FBXL19: variants seen among roughly 807,000 people sequenced by gnomAD.
FBXL19 encodes F-box and leucine rich repeat protein 19, also known as F-box/LRR-repeat protein 19.
Under a neutral mutation model 71.2 loss-of-function variants are expected in FBXL19, and 16 were observed. The ratio of observed to expected loss-of-function variants is 0.22; its 90% CI spans 0.15 to 0.34. FBXL19 has a LOEUF of 0.34. Ranked by LOEUF, FBXL19 falls within the 10% of genes least tolerant of loss-of-function variation. The probability of loss-of-function intolerance (pLI) is 1.00; values close to 1 mark genes in which losing one functional copy is unlikely to be tolerated. For missense variants in FBXL19, 658 were observed against 968.2 expected (o/e 0.68, Z 4.25); for synonymous variants, 447 against 409.4 (o/e 1.09, Z -1.11).
At chr16:30,935,170 T>A (rs879227382) in intron 7 of FBXL19, among the ~76,000 whole-genome samples, 1 of 152,148 alleles carries the variant, frequency 6.6e-6, no homozygotes, top group Non-Finnish European at 1.5e-5. Context: ...CAAAGCCAGA[T>A]TGAATGGAGT....
chr16:30,934,099 T>C (rs1407258666), intron 7 of FBXL19, among the ~76,000 whole-genome samples: 1 of 151,046 alleles, frequency 6.6e-6, no homozygotes, highest in African/African-American at 2.4e-5. Flanking sequence ...GCATGATGGC[T>C]CATACTTGTA....
In FBXL19 at chr16:30,942,248, G is replaced by A. The variant is rs1376334565; in HGVS notation, c.1434G>A (p.Lys478=). ...TCAGCTGGACAGGTGTCTCCAAGAA[G>A]CAGCTCATGTGGCTTCTGAACCGAC... ...LDLSWTGVSK[K]QLMWLLNRLQ... is the part of the protein sequence containing the mutation. The change falls in exon 8 of 11, where the codon AAG becomes AAA. Residue 478 remains lysine, a synonymous_variant. Coordinates refer to ENST00000338343, the MANE Select transcript of FBXL19 (RefSeq NM_001382779.1). This position sits in a 1 kb window ranked among gnomAD's most constrained non-coding sequence, Gnocchi z 5.7. 1 of 1,597,076 alleles carries A rather than the reference G, an allele frequency of 6.3e-7. No individual in the cohort carries two copies. The highest frequency in any genetic ancestry group is 1.8e-5 in the Admixed American group (1 of 57,100).
chr16:30,943,621 G>C (rs1260798180), intron 9 of FBXL19, among the ~76,000 whole-genome samples: 3 of 152,002 alleles, frequency 2.0e-5, no homozygotes, highest in African/African-American at 4.8e-5. Context: ...TGATCCGCCT[G>C]CCTCGGCCTC....
chr16:30,928,354 CG>C, intron 5 of FBXL19, 112 bp from the exon 6 acceptor site: 1 of 1,159,142 alleles, frequency 8.6e-7, no homozygotes, highest in Non-Finnish European at 1.2e-6. Flanking sequence ...ATCCCTGGGA[CG>C]GGGGCTTCTG....
chr16:30,927,797 C>T lies in FBXL19; in HGVS notation c.461C>T (p.Ala154Val). ...AGGGCCGACAACGGCGAGGAGGGCGCCAGCTTGGGGAGCGGATGGAAGCTG... is the reference window on the plus strand; with the variant it reads ...AGGGCCGACAACGGCGAGGAGGGCGTCAGCTTGGGGAGCGGATGGAAGCTG... ...RRRADNGEEG[A>V]SLGSGWKLTE... The change falls in exon 5 of 11, where the codon GCC (alanine) becomes GTC (valine). Residue 154 changes from alanine to valine, a missense_variant. Ala to Val is a moderately conservative substitution (Grantham distance 64). Around this residue, in one of 8 missense-constraint regions of FBXL19, gnomAD observed 447 missense variants for 515.4 expected, o/e 0.87. Transcript: ENST00000338343. The T allele has an allele frequency of 6.4e-7, 1 of 1,553,334 alleles. No homozygotes were observed. Among genetic ancestry groups the T allele is most frequent in the Non-Finnish European group, 8.7e-7 (1 of 1,149,190 alleles).
Position 30,947,590 on chromosome 16 carries a change from G to C in FBXL19, c.*360G>C. ...GACACACACAGGATATGGGAGCCAGGGGCTGGGGGAGGTGGAAGGGGCGGG... is the reference window on the plus strand; with the variant it reads ...GACACACACAGGATATGGGAGCCAGCGGCTGGGGGAGGTGGAAGGGGCGGG... On this transcript the variant is annotated 3_prime_UTR_variant, in exon 11 of 11. Coordinates refer to ENST00000338343, the MANE Select transcript of FBXL19 (RefSeq NM_001382779.1). The C allele has an allele frequency of 3.1e-6, 1 of 321,180 alleles. No homozygotes were observed. The highest frequency in any genetic ancestry group is 6.0e-6 in the Non-Finnish European group (1 of 165,300). 19.9% of individuals were successfully genotyped at this position (321,180 alleles called of 1,614,324 possible).
chr16:30,937,876 A>G (rs1054027767), intron 7 of FBXL19, among the ~76,000 whole-genome samples: 1 of 152,090 alleles, frequency 6.6e-6, no homozygotes, highest in Non-Finnish European at 1.5e-5. Flanking sequence ...GCTTCAAGGA[A>G]GTGGTGACAG....
In FBXL19 at chr16:30,927,226, A is replaced by G. The variant is rs894434158; in HGVS notation, c.178-82A>G. The G allele has an allele frequency of 2.1e-6, 3 of 1,420,962 alleles. No homozygotes were observed. In the African/African-American group the frequency reaches 4.3e-5, roughly 21 times the overall value. 88.0% of individuals were successfully genotyped at this position (1,420,962 alleles called of 1,614,324 possible). ...CCGTGGGTGCTGCACCTCATCCGTC[A>G]CCTGGCCAGGGTCCCTAGAAGGAAG... On this transcript the variant is annotated intron_variant, in intron 2 of 10. Coordinates refer to ENST00000338343, the MANE Select transcript of FBXL19 (RefSeq NM_001382779.1).
In FBXL19 at chr16:30,924,429, A is replaced by G; in HGVS notation, c.-55A>G. 3.6e-6 allele frequency: 1 copy of G among 276,928 alleles called. No homozygotes were observed. The highest frequency in any genetic ancestry group is 6.7e-6 in the Non-Finnish European group (1 of 149,846). 17.2% of individuals were successfully genotyped at this position (276,928 alleles called of 1,614,324 possible). On this transcript the variant is annotated 5_prime_UTR_variant, in exon 1 of 11. Coordinates refer to ENST00000338343, the MANE Select transcript of FBXL19 (RefSeq NM_001382779.1). ...GCCGACCCGCCGGGAGCTGCCGAGA[A>G]GGGAGAGATGGCTCCCGGGACACGT...
Position 30,930,113 on chromosome 16 carries a change from T to C in FBXL19, c.830T>C (p.Val277Ala). ...TTGGCCTCTGCAGAGGGCCCAGCGG[T>C]GCCGTCCCCGTCCCCGCAGAGGGAG... The part of the protein sequence containing the change: ...PPLASAEGPA[V>A]PSPSPQREKL... Residue 277 changes from valine (V) to alanine (A), a missense_variant, in exon 7 of 11, where the codon GTG becomes GCG. By Grantham distance (64) the Val-to-Ala change is moderately conservative. This residue lies in a region of FBXL19 where 447 missense variants were observed against 515.4 expected (regional missense o/e 0.87). Coordinates refer to ENST00000338343, the MANE Select transcript of FBXL19 (RefSeq NM_001382779.1). The surrounding 1 kb of genome is among the most constrained non-coding windows in gnomAD (Gnocchi z 8.5). 6.2e-7 allele frequency: 1 copy of C among 1,613,538 alleles called. No individual in the cohort carries two copies. Among genetic ancestry groups the C allele is most frequent in the Non-Finnish European group, 8.5e-7 (1 of 1,179,860 alleles).
In FBXL19 at chr16:30,942,500, C is replaced by A; in HGVS notation, c.1591C>A (p.Arg531=). 1 of 1,595,676 alleles carries A rather than the reference C, an allele frequency of 6.3e-7. No homozygotes were observed. The highest frequency in any genetic ancestry group is 2.3e-5 in the East Asian group (1 of 43,900). The change falls in exon 9 of 11, where the codon CGG becomes AGG. Residue 531 remains arginine, a synonymous_variant. Coordinates refer to ENST00000338343, the MANE Select transcript of FBXL19 (RefSeq NM_001382779.1). This position sits in a 1 kb window ranked among gnomAD's most constrained non-coding sequence, Gnocchi z 5.7. ...WIEDVKDSQL[R]ELLLPPPDTK... is the part of the protein sequence containing the mutation. ...CGAGGATGTTAAAGACTCCCAGCTCCGGGAGTTGCTGCTGCCTCCACCAGA... is the reference window on the plus strand; with the variant it reads ...CGAGGATGTTAAAGACTCCCAGCTCAGGGAGTTGCTGCTGCCTCCACCAGA...
chr16:30,929,599 C>T (rs2055645556), intron 6 of FBXL19, among the ~76,000 whole-genome samples: 1 of 152,148 alleles, frequency 6.6e-6, no homozygotes, highest in Non-Finnish European at 1.5e-5. Flanking sequence ...CGCTCTGTCG[C>T]CCGTACTGGA....
At chr16:30,938,887 C>T (rs374157851) in intron 7 of FBXL19, among the ~76,000 whole-genome samples, 3 of 151,436 alleles carry the variant, frequency 2.0e-5, no homozygotes, top group Non-Finnish European at 3.0e-5. Flanking sequence ...CCGCCTGCCT[C>T]GGCCTCCCAA....
chr16:30,923,182 G>A (rs1222313923), upstream of FBXL19: 2 of 456,584 alleles, frequency 4.4e-6, no homozygotes, highest in East Asian at 1.4e-4. Context: ...TTGTGGACAG[G>A]AGGGCGTGTG....
chr16:30,929,993 C>T, intron 6 of FBXL19, 80 bp from the exon 7 acceptor site: 1 of 1,529,110 alleles, frequency 6.5e-7, no homozygotes, highest in African/African-American at 1.4e-5. Context: ...GGCTGTTCAT[C>T]CCCTGGTGAC....
Position 30,925,681 on chromosome 16 carries a change from A to G in FBXL19, c.-24-50A>G. ...TGGAGGGACCTGTCAGGGGTCTCCCAGGCCAGGGCCCCAGTGGGCCCATCT... is the reference window on the plus strand; with the variant it reads ...TGGAGGGACCTGTCAGGGGTCTCCCGGGCCAGGGCCCCAGTGGGCCCATCT... On this transcript the variant is annotated intron_variant, in intron 1 of 10. Transcript: ENST00000338343. This position sits in a 1 kb window ranked among gnomAD's most constrained non-coding sequence, Gnocchi z 5.0. 1.4e-6 allele frequency: 2 copies of G among 1,446,434 alleles called. No individual in the cohort carries two copies. Among genetic ancestry groups the G allele is most frequent in the Middle Eastern group, 5.0e-4 (2 of 3,994 alleles). 89.6% of individuals were successfully genotyped at this position (1,446,434 alleles called of 1,614,324 possible).
chr16:30,927,906 GC>G lies in FBXL19; in HGVS notation c.576del (p.Lys193AsnfsTer18). Reference protein sequence around the residue: ...AGPPPEDVPGPPKRKEREAGN... With the variant: ...AGPPPEDVPGXPKRKEREAGN... Reference sequence around the variant, plus strand: ...GGCCCCCCCCGGAGGACGTGCCTGGGCCCCCCAAACGAAAGGAAAGGGAGGC... The same window carrying G: ...GGCCCCCCCCGGAGGACGTGCCTGGGCCCCCAAACGAAAGGAAAGGGAGGC... On this transcript the variant is annotated frameshift_variant, in exon 5 of 11. Coordinates refer to ENST00000338343, the MANE Select transcript of FBXL19 (RefSeq NM_001382779.1). LOFTEE classifies it high-confidence loss of function. 1.3e-6 allele frequency: 2 copies of G among 1,544,282 alleles called. No individual in the cohort carries two copies. Among genetic ancestry groups the G allele is most frequent in the Non-Finnish European group, 1.7e-6 (2 of 1,152,464 alleles).
At chr16:30,944,825 C>G (rs2055841817) in intron 9 of FBXL19, among the ~76,000 whole-genome samples, 1 of 152,184 alleles carries the variant, frequency 6.6e-6, no homozygotes, top group African/African-American at 2.4e-5. Flanking sequence ...TATCCCCTCT[C>G]CAGGCGCTTG....
At chr16:30,929,216 T>C (rs1353648902) in intron 6 of FBXL19, among the ~76,000 whole-genome samples, 1 of 152,180 alleles carries the variant, frequency 6.6e-6, no homozygotes, top group East Asian at 1.9e-4. Context: ...CCTCTGCTGT[T>C]TGTCAGTTTG....
Sources: gnomAD v4.1 joint callset for allele counts (sites outside exome capture counted in the v4.1 genomes callset) on GRCh38, gnomAD v4.1.1 for gene constraint, gnomAD v4.1.1 regional missense constraint, Gnocchi (gnomAD v3.1) non-coding constraint, MANE v1.5 for transcripts, NCBI Gene and HGNC (gene_info 2026-07-23, HGNC 2026-07-21) for gene names.